UPB1: variants seen among roughly 807,000 people sequenced by gnomAD.
UPB1 encodes beta-ureidopropionase 1.
Under a neutral mutation model 49.1 loss-of-function variants are expected in UPB1, and 40 were observed. That is an observed-to-expected ratio of 0.81 (90% CI 0.63 to 1.06). UPB1 has a LOEUF of 1.06. Ranked by LOEUF, UPB1 falls within the 50% of genes least tolerant of loss-of-function variation. UPB1 has a pLI of 0.00. For missense variants in UPB1, 499 were observed against 505.9 expected, an observed-to-expected ratio of 0.99 and a Z score of 0.13; for synonymous variants, 207 against 198.2, an observed-to-expected ratio of 1.04 and a Z score of -0.38.
rs993258345 is a variant in UPB1, at chr22:24,500,043, G to A, written c.105-64G>A. Reference sequence around the variant, plus strand: ...TGATAAATAGCTACAAGAAATGGGAGAGAGATTTTAAGTGGAGCAGACTGC... The same window carrying A: ...TGATAAATAGCTACAAGAAATGGGAAAGAGATTTTAAGTGGAGCAGACTGC... On this transcript the variant is annotated intron_variant, in intron 1 of 9. Transcript: ENST00000326010. The A allele has an allele frequency of 6.8e-6, 11 of 1,609,576 alleles. No homozygotes were observed. In the Admixed American group the frequency reaches 1.8e-4, roughly 27 times the overall value.
chr22:24,510,692 G>GC (rs1467672684), intron 3 of UPB1, 57 bp from the exon 4 acceptor site: 19 of 1,564,590 alleles, frequency 1.2e-5, no homozygotes, highest in Middle Eastern at 1.7e-4. Context: ...GGGCTGAGGA[G>GC]CCCCCCTCAG....
intron 1 of UPB1, among the ~76,000 whole-genome samples, chr22:24,499,819 A>C (rs747541478): frequency 6.6e-6 from 1 of 151,938 alleles, no homozygotes; most frequent in African/African-American, 2.4e-5. Context: ...GATTTCAGCA[A>C]CTCTAAAACA....
intron 1 of UPB1, among the ~76,000 whole-genome samples, chr22:24,498,472 C>G (rs1450607447): frequency 1.3e-5 from 2 of 152,108 alleles, no homozygotes; most frequent in African/African-American, 4.8e-5. Flanking sequence ...CAGGTACTGC[C>G]CAGATAGTAG....
intron 7 of UPB1, 64 bp downstream of exon 7, chr22:24,520,532 G>C (rs755675576): frequency 1.2e-5 from 19 of 1,566,566 alleles, no homozygotes; most frequent in Non-Finnish European, 1.7e-5. Flanking sequence ...GGGACACCCC[G>C]TTCCCTCTGC....
chr22:24,510,186 T>C (rs971160230), intron 3 of UPB1, among the ~76,000 whole-genome samples: 2 of 149,152 alleles, frequency 1.3e-5, no homozygotes, highest in African/African-American at 2.5e-5. Flanking sequence ...TGAGCCAAGA[T>C]AGTGCCATTG....
Position 24,515,292 on chromosome 22 carries a change from A to G in UPB1, c.713A>G (p.His238Arg), listed in dbSNP as rs376130197. 1.9e-6 allele frequency: 3 copies of G among 1,613,958 alleles called. No individual in the cohort carries two copies. Among genetic ancestry groups the G allele is most frequent in the Non-Finnish European group, 2.5e-6 (3 of 1,179,992 alleles). Reference sequence around the variant, plus strand: ...GTGAACATTTGCTACGGGCGGCACCACCCCCTCAACTGGCTTATGTACAGC... The same window carrying G: ...GTGAACATTTGCTACGGGCGGCACCGCCCCCTCAACTGGCTTATGTACAGC... ...IAVNICYGRHHPLNWLMYSIN... is the reference protein window; with the variant it reads ...IAVNICYGRHRPLNWLMYSIN... The change falls in exon 6 of 10, where the codon CAC becomes CGC. Residue 238 changes from histidine (H) to arginine (R), a missense_variant. Physicochemically the swap from His to Arg is conservative, Grantham distance 29. Transcript: ENST00000326010.
At chr22:24,511,123 C>T (rs143951416) in intron 4 of UPB1, among the ~76,000 whole-genome samples, 144 of 152,230 alleles carry the variant, frequency 9.5e-4, no homozygotes, top group African/African-American at 3.3e-3. Flanking sequence ...AGTCCCACAG[C>T]TGGCAAGTGG....
chr22:24,514,171 A>G (rs1411093046), intron 5 of UPB1, among the ~76,000 whole-genome samples: 1 of 152,164 alleles, frequency 6.6e-6, no homozygotes, highest in African/African-American at 2.4e-5. Context: ...GCAGTTGTTC[A>G]GGATGTGATG....
At chr22:24,513,196 T>A (rs2044236540) in intron 4 of UPB1, 128 bp from the exon 5 acceptor site, 11 of 1,349,258 alleles carry the variant, frequency 8.2e-6, no homozygotes, top group Non-Finnish European at 1.1e-5. Context: ...TATTTAGTGT[T>A]CCAAACAACA....
chr22:24,510,231 C>T (rs1415894891), intron 3 of UPB1, among the ~76,000 whole-genome samples: 1 of 143,516 alleles, frequency 7.0e-6, no homozygotes, highest in African/African-American at 2.6e-5. Context: ...AAAACTCCAT[C>T]TCAAAAAAAA....
intron 2 of UPB1, among the ~76,000 whole-genome samples, chr22:24,501,431 C>T (rs1388087808): frequency 1.3e-5 from 2 of 152,200 alleles, no homozygotes; most frequent in Non-Finnish European, 2.9e-5. Flanking sequence ...CCTGTGGGGT[C>T]CTGGGAGTGA....
Position 24,523,651 on chromosome 22 carries a change from A to G in UPB1, c.949A>G (p.Ser317Gly), listed in dbSNP as rs746800375. ...GGACTTTGGCTACTTTTATGGCTCG[A>G]GCTATGTGGCAGCCCCTGACAGCAG... is the stretch of plus-strand genomic sequence containing the variant. ...HQDFGYFYGS[S>G]YVAAPDSSRT... Residue 317 changes from serine to glycine, a missense_variant, in exon 9 of 10, where the codon AGC (serine) becomes GGC (glycine). Coordinates refer to ENST00000326010, the MANE Select transcript of UPB1 (RefSeq NM_016327.3). The G allele has an allele frequency of 6.2e-7, 1 of 1,614,152 alleles. No individual in the cohort carries two copies. The highest frequency in any genetic ancestry group is 8.5e-7 in the Non-Finnish European group (1 of 1,180,030).
intron 8 of UPB1, 98 bp downstream of exon 8, chr22:24,522,126 C>T: frequency 7.2e-7 from 1 of 1,392,458 alleles, no homozygotes; most frequent in South Asian, 1.2e-5. Flanking sequence ...ACACAGATCA[C>T]ATCTGCATGC....
At position 24,499,956 on chromosome 22, in the gene UPB1, G is replaced by A. The variant is rs1321802114; in HGVS notation, c.105-151G>A. ...CTGTCATGGCTGGACCCCACTGCTC[G>A]CCAGCTCCCTTGGGCCCTGGCACTG... is the stretch of plus-strand genomic sequence containing the variant. On this transcript the variant is annotated intron_variant, in intron 1 of 9. Coordinates refer to ENST00000326010, the MANE Select transcript of UPB1 (RefSeq NM_016327.3). 6.0e-6 allele frequency: 7 copies of A among 1,166,894 alleles called. No homozygotes were observed. In the African/African-American group the frequency reaches 7.6e-5, roughly 13 times the overall value. 72.3% of individuals were successfully genotyped at this position (1,166,894 alleles called of 1,614,324 possible).
intron 8 of UPB1, 123 bp from the exon 9 acceptor site, chr22:24,523,496 G>A: frequency 7.0e-7 from 1 of 1,433,228 alleles, no homozygotes; most frequent in Non-Finnish European, 9.7e-7. Context: ...TCAGCATTTG[G>A]CAGACACTGG....
chr22:24,510,995 CT>C (rs140325), intron 4 of UPB1, 152 bp downstream of exon 4: 372,354 of 652,432 alleles, frequency 0.57, 99,029 homozygotes, highest in African/African-American at 0.61. Context: ...CTATCTGCCA[CT>C]TTTTTTTTTA....
chr22:24,509,396 A>G (rs1161819176), intron 3 of UPB1, among the ~76,000 whole-genome samples: 1 of 131,116 alleles, frequency 7.6e-6, no homozygotes, highest in Non-Finnish European at 1.6e-5. Flanking sequence ...AAAAAAAAAA[A>G]GCAAAAACCA....
Position 24,526,025 on chromosome 22 carries a change from A to T in UPB1, c.*231A>T. ...GACTAGGTAGAGGTGAATGTACTAA[A>T]TGCCACTGAATTTGTATACTTCAGA... On this transcript the variant is annotated 3_prime_UTR_variant, in exon 10 of 10. Coordinates refer to ENST00000326010, the MANE Select transcript of UPB1 (RefSeq NM_016327.3). 1 of 563,976 alleles carries T rather than the reference A, an allele frequency of 1.8e-6. No homozygotes were observed. The highest frequency in any genetic ancestry group is 3.1e-5 in the East Asian group (1 of 32,284). 34.9% of individuals were successfully genotyped at this position (563,976 alleles called of 1,614,324 possible).
rs80126957 is a variant in UPB1, at chr22:24,512,353, C to G, written c.460-971C>G. Among the ~76,000 whole-genome samples, 887 of 152,274 alleles carry G rather than the reference C, an allele frequency of 5.8e-3. 7 individuals are homozygous for G. Among genetic ancestry groups the G allele is most frequent in the African/African-American group, 0.02 (839 of 41,560 alleles). On this transcript the variant is annotated intron_variant, in intron 4 of 9. Transcript: ENST00000326010. ...GTTGCCTTCTGAGCATGCCTCTCCCCTATCCTGTTGTTAAGGCCAGAGATC... is the reference window on the plus strand; with the variant it reads ...GTTGCCTTCTGAGCATGCCTCTCCCGTATCCTGTTGTTAAGGCCAGAGATC...
Sources: allele counts gnomAD v4.1 joint callset (sites outside exome capture counted in the v4.1 genomes callset), GRCh38; gene constraint gnomAD v4.1.1; transcripts MANE v1.5; gene names NCBI Gene and HGNC (gene_info 2026-07-23, HGNC 2026-07-21).